The following CDCA5 variants were observed in gnomAD, a reference collection of about 807,000 sequenced individuals.
CDCA5 encodes the protein sororin.
CDCA5 carries 14 observed loss-of-function variants against 25.7 expected under a neutral mutation model. That is an observed-to-expected ratio of 0.54 (90% CI 0.36 to 0.85). CDCA5 has a LOEUF of 0.85. Ranked by LOEUF, CDCA5 falls within the 40% of genes least tolerant of loss-of-function variation. The probability of loss-of-function intolerance (pLI) is 0.01; values close to 1 mark genes in which losing one functional copy is unlikely to be tolerated. For missense variants in CDCA5, 307 were observed against 324.5 expected (o/e 0.95, Z 0.41); for synonymous variants, 127 against 128.7 (o/e 0.99, Z 0.09).
intron 1 of CDCA5, among the ~76,000 whole-genome samples, chr11:65,070,726 C>T (rs74602943): frequency 0.014 from 2,188 of 152,264 alleles, 60 homozygotes; most frequent in African/African-American, 0.05. Flanking sequence ...AAGTGATTCT[C>T]CTGCCTCCTC....
chr11:65,077,390 C>G (rs1273903156), downstream of CDCA5: 1 of 866,890 alleles, frequency 1.2e-6, no homozygotes, highest in East Asian at 1.2e-4. Flanking sequence ...AGTGATGCAG[C>G]CCACTGGAGG....
chr11:65,083,016 C>T (rs549004368), intron 4 of CDCA5, among the ~76,000 whole-genome samples: 1 of 152,258 alleles, frequency 6.6e-6, no homozygotes, highest in South Asian at 2.1e-4. Flanking sequence ...TTGATAATAA[C>T]TTCTGCTAAA....
intron 4 of CDCA5, chr11:65,067,635 C>T: frequency 1.6e-6 from 2 of 1,283,976 alleles, no homozygotes; most frequent in Middle Eastern, 2.2e-4. Flanking sequence ...TACCCGCTCC[C>T]ATCTGCCCGC....
At chr11:65,064,030 G>A (rs1947209067), downstream of CDCA5, among the ~76,000 whole-genome samples, 1 of 152,164 alleles carries the variant, frequency 6.6e-6, no homozygotes, top group Non-Finnish European at 1.5e-5. Context: ...GAGCTGGTTG[G>A]GGAGGGGGCT....
chr11:65,068,196 C>A, intron 2 of CDCA5: 2 of 893,810 alleles, frequency 2.2e-6, no homozygotes, highest in Non-Finnish European at 3.2e-6. Flanking sequence ...CCACACCCCC[C>A]ATCCTTGCCA....
At chr11:65,071,663 T>C (rs577004284) in intron 1 of CDCA5, among the ~76,000 whole-genome samples, 8 of 152,290 alleles carry the variant, frequency 5.3e-5, no homozygotes, top group African/African-American at 1.9e-4. Flanking sequence ...ATCTTGTATT[T>C]TTTGCTAAAT....
chr11:65,076,297 T>C (rs1378959321), downstream of CDCA5, among the ~76,000 whole-genome samples: 1 of 28,666 alleles, frequency 3.5e-5, no homozygotes, highest in East Asian at 1.5e-3. Context: ...TTACATTTTT[T>C]GTAGTCAGGA....
At chr11:65,074,871 G>A (rs1437458949), downstream of CDCA5, among the ~76,000 whole-genome samples, 2 of 151,914 alleles carry the variant, frequency 1.3e-5, no homozygotes, top group Non-Finnish European at 2.9e-5. Context: ...AGACCAGTCT[G>A]ACCAACATGG....
rs142042429 is a variant in CDCA5 at position 65,081,655 on chromosome 11, C to T, written c.243+1709G>A. On this transcript the variant is annotated intron_variant, in intron 4 of 5. Transcript: ENST00000275517. ...GGGGGAGAGAAAGACATCAAACATG[C>T]AAGAAAATACACTATAAGAACTGAT... 3.2e-3 allele frequency among the ~76,000 whole-genome samples: 482 copies of T among 152,148 alleles called. 3 individuals are homozygous for T. The highest frequency in any genetic ancestry group is 0.011 in the African/African-American group (466 of 41,506).
rs1432178364 is a variant in CDCA5, at chr11:65,077,534, AG to A, written c.*1572del. On this transcript the variant is annotated 3_prime_UTR_variant, in exon 6 of 6. Coordinates refer to ENST00000275517, the MANE Select transcript of CDCA5 (RefSeq NM_080668.4). ...ATTTTTTCCTTAAATTTAGTTCCTC[AG>A]GAACAGAGAACTTTGCAATGATGAT... 16 of 985,320 alleles carry A rather than the reference AG, an allele frequency of 1.6e-5. No individual in the cohort carries two copies. The highest frequency in any genetic ancestry group is 1.9e-5 in the Non-Finnish European group (16 of 829,918). 61.0% of individuals were successfully genotyped at this position (985,320 alleles called of 1,614,324 possible).
chr11:65,081,061 G>C (rs1947554698), intron 4 of CDCA5, among the ~76,000 whole-genome samples: 1 of 152,214 alleles, frequency 6.6e-6, no homozygotes, highest in Admixed American at 6.5e-5. Flanking sequence ...GTACTAGTCA[G>C]GGTCAAACAA....
intron 1 of CDCA5, among the ~76,000 whole-genome samples, chr11:65,071,032 C>G (rs377366518): frequency 0.013 from 2,001 of 148,782 alleles, 43 homozygotes; most frequent in African/African-American, 0.047. Context: ...AGCTCTGCCT[C>G]CCAGGTTCAC....
intron 1 of CDCA5, 25 bp downstream of exon 1, chr11:65,083,908 C>A: frequency 6.2e-7 from 1 of 1,609,120 alleles, no homozygotes; most frequent in Non-Finnish European, 8.5e-7. Flanking sequence ...CTCGACCTCA[C>A]GTCTCCCGCG....
At position 65,077,883 on chromosome 11, in the gene CDCA5, C is replaced by A; in HGVS notation, c.*1224G>T. The A allele has an allele frequency of 1.0e-6, 1 of 985,762 alleles. No individual in the cohort carries two copies. Among genetic ancestry groups the A allele is most frequent in the Non-Finnish European group, 1.2e-6 (1 of 830,086 alleles). 61.1% of individuals were successfully genotyped at this position (985,762 alleles called of 1,614,324 possible). A position where few individuals can be genotyped will look rare whatever the true frequency, so the allele number is the denominator to read the frequency against. On this transcript the variant is annotated 3_prime_UTR_variant, in exon 6 of 6. Coordinates refer to ENST00000275517, the MANE Select transcript of CDCA5 (RefSeq NM_080668.4). ...GCTCCTCTGCACACCTCAGCGTCTA[C>A]TTCCACGAACTTCTAAACATCAAAA...
chr11:65,075,253 C>T (rs541648771), downstream of CDCA5, among the ~76,000 whole-genome samples: 6 of 151,420 alleles, frequency 4.0e-5, no homozygotes, highest in African/African-American at 1.2e-4. Context: ...AAAAATTAGC[C>T]GGGTGTGGCA....
chr11:65,071,757 G>A (rs1947347900), intron 1 of CDCA5, among the ~76,000 whole-genome samples: 1 of 152,192 alleles, frequency 6.6e-6, no homozygotes, highest in Admixed American at 6.6e-5. Context: ...TTACCAGTTG[G>A]TACGTGAGGA....
intron 3 of CDCA5, chr11:65,067,985 A>G (rs1000931074): frequency 2.0e-5 from 24 of 1,213,170 alleles, no homozygotes; most frequent in Non-Finnish European, 2.6e-5. Flanking sequence ...ATGTGCCTGC[A>G]TGGGCACTCT....
intron 4 of CDCA5, 68 bp from the exon 5 acceptor site, chr11:65,079,855 A>G: frequency 8.0e-7 from 1 of 1,255,214 alleles, no homozygotes. Flanking sequence ...GAAAAGCCCG[A>G]GAAGATTCAG....
At chr11:65,068,083 C>A (rs1487011886) in exon 3 of CDCA5, 7 of 1,289,334 alleles carry the variant, frequency 5.4e-6, no homozygotes, top group Non-Finnish European at 7.1e-6. Flanking sequence ...TAAACAGGAA[C>A]GTGACGGTGG....
Sources: allele counts gnomAD v4.1 joint callset (sites outside exome capture counted in the v4.1 genomes callset), GRCh38; gene constraint gnomAD v4.1.1; transcripts MANE v1.5; gene names NCBI Gene and HGNC (gene_info 2026-07-23, HGNC 2026-07-21).